ZNHIT3: variants seen among roughly 807,000 people sequenced by gnomAD.
ZNHIT3 encodes the protein zinc finger HIT-type containing 3, also known as zinc finger HIT domain-containing protein 3.
Under a neutral mutation model 19.9 loss-of-function variants are expected in ZNHIT3, and 27 were observed. That is an observed-to-expected ratio of 1.36 (90% CI 1.00 to 1.87). The LOEUF (loss-of-function observed/expected upper bound fraction) is 1.87. Ranked by LOEUF, ZNHIT3 falls within the 40% of genes most tolerant of loss-of-function variation. The probability of loss-of-function intolerance (pLI) is 0.00; values close to 1 mark genes in which losing one functional copy is unlikely to be tolerated. For missense variants in ZNHIT3, 215 were observed against 185.6 expected (o/e 1.16, Z -0.92); for synonymous variants, 81 against 65.7 (o/e 1.23, Z -1.13).
chr17:36,493,661 G>C (rs979356716), intron 3 of ZNHIT3, among the ~76,000 whole-genome samples: 3 of 152,220 alleles, frequency 2.0e-5, no homozygotes, highest in African/African-American at 7.2e-5. Context: ...AAAGACCACA[G>C]GACCACATAT....
downstream of ZNHIT3, chr17:36,498,216 T>C: frequency 1.3e-6 from 2 of 1,571,476 alleles, no homozygotes; most frequent in Non-Finnish European, 1.7e-6. Flanking sequence ...TAGGCTTTGC[T>C]CCTGCTGTTC....
At chr17:36,496,610 T>C (rs2071002108), downstream of ZNHIT3, among the ~76,000 whole-genome samples, 1 of 152,156 alleles carries the variant, frequency 6.6e-6, no homozygotes, top group African/African-American at 2.4e-5. Context: ...CTAAGAGGAA[T>C]GTCTGTCACA....
chr17:36,492,011 T>A (rs1405683756), intron 2 of ZNHIT3: 1 of 152,274 alleles, frequency 6.6e-6, no homozygotes, highest in African/African-American at 2.4e-5. Context: ...TATCTCACTG[T>A]GTACCTGGCA....
chr17:36,496,113 G>A (rs1222349116), downstream of ZNHIT3: 5 of 1,223,920 alleles, frequency 4.1e-6, no homozygotes, highest in African/African-American at 7.5e-5. Context: ...GGGGCTCTGG[G>A]TCGAAGGCTG....
At position 36,486,932 on chromosome 17, in the gene ZNHIT3, C is replaced by A. The variant is rs372878191; in HGVS notation, c.87-3C>A. The A allele has an allele frequency of 1.9e-6, 3 of 1,611,006 alleles. No homozygotes were observed. Among genetic ancestry groups the A allele is most frequent in the Non-Finnish European group, 2.5e-6 (3 of 1,179,370 alleles). Reference sequence around the variant, plus strand: ...ACGCGGCCTGTGGCCTCTGTTGTTACAGCTGCTCGGTAGTCTGCTTCCGGA... The same window carrying A: ...ACGCGGCCTGTGGCCTCTGTTGTTAAAGCTGCTCGGTAGTCTGCTTCCGGA... On this transcript the variant is annotated splice_polypyrimidine_tract_variant and splice_region_variant and intron_variant, in intron 1 of 4. Coordinates refer to ENST00000617429, the MANE Select transcript of ZNHIT3 (RefSeq NM_004773.4).
At chr17:36,496,252 C>T (rs1179708925), downstream of ZNHIT3, 4 of 1,613,396 alleles carry the variant, frequency 2.5e-6, no homozygotes, top group Non-Finnish European at 3.4e-6. Flanking sequence ...CACCAAGGAT[C>T]ACCCCAGCCC....
chr17:36,490,027 C>T (rs893845995), intron 2 of ZNHIT3: 2 of 151,614 alleles, frequency 1.3e-5, no homozygotes, highest in South Asian at 4.1e-4. Context: ...TATTTTCTCC[C>T]ATCCTGTGGG....
At chr17:36,494,943 C>T (rs2070852125) in intron 4 of ZNHIT3, among the ~76,000 whole-genome samples, 2 of 152,146 alleles carry the variant, frequency 1.3e-5, no homozygotes, top group South Asian at 4.1e-4. Context: ...ATACCAAGAA[C>T]TGGTATCTGT....
chr17:36,495,831 C>T (rs1053904649), downstream of ZNHIT3: 9 of 1,240,688 alleles, frequency 7.3e-6, no homozygotes, highest in East Asian at 1.9e-4. Context: ...AAGTTTTGTT[C>T]CTTTTTAAAG....
intron 2 of ZNHIT3, 67 bp from the exon 3 acceptor site, chr17:36,492,746 G>T: frequency 1.4e-6 from 2 of 1,416,180 alleles, no homozygotes; most frequent in Non-Finnish European, 2.0e-6. Flanking sequence ...ATGCTACCTT[G>T]GTAGGGAGGT....
At chr17:36,498,672 C>G (rs2071224583), downstream of ZNHIT3, 13 of 1,296,374 alleles carry the variant, frequency 1.0e-5, no homozygotes, top group East Asian at 3.0e-4. Flanking sequence ...CTGAAGGCAC[C>G]TGGTTGCAAA....
intron 2 of ZNHIT3, among the ~76,000 whole-genome samples, chr17:36,488,791 T>C (rs1486275248): frequency 6.6e-6 from 1 of 152,240 alleles, no homozygotes; most frequent in Non-Finnish European, 1.5e-5. Context: ...GTAATTAGCA[T>C]ATTCGCCCCA....
rs138327899 is a variant in ZNHIT3 at position 36,495,300 on chromosome 17, G to C, written c.364G>C (p.Asp122His). The C allele has an allele frequency of 5.6e-6, 9 of 1,613,748 alleles. No homozygotes were observed. The African/African-American group carries it at 1.1e-4, about 19-fold the overall frequency. The change falls in exon 5 of 5, where the codon GAC becomes CAC. Residue 122 changes from aspartate to histidine, a missense_variant. By Grantham distance (81) the Asp-to-His change is moderately conservative. Transcript: ENST00000617429. ...GATGGTCAACCTCGATCAGGGAGAAGACAAAGCAAAGCTCATGAGAGCTTA... is the reference window on the plus strand; with the variant it reads ...GATGGTCAACCTCGATCAGGGAGAACACAAAGCAAAGCTCATGAGAGCTTA... ...QLMVNLDQGE[D>H]KAKLMRAYMQ... is the part of the protein sequence containing the mutation.
chr17:36,488,117 G>A (rs1020223363), intron 2 of ZNHIT3, among the ~76,000 whole-genome samples: 29 of 145,130 alleles, frequency 2.0e-4, no homozygotes, highest in Admixed American at 2.0e-3. Context: ...AAAAAAGCTT[G>A]ATGTAGATTC....
downstream of ZNHIT3, among the ~76,000 whole-genome samples, chr17:36,497,344 A>G (rs906309045): frequency 6.6e-6 from 1 of 151,288 alleles, no homozygotes; most frequent in African/African-American, 2.4e-5. Flanking sequence ...ACCCACAGAG[A>G]ACTTGGACCA....
At chr17:36,496,968 G>T, downstream of ZNHIT3, among the ~76,000 whole-genome samples, 1 of 152,104 alleles carries the variant, frequency 6.6e-6, no homozygotes, top group Admixed American at 6.5e-5. Context: ...CTGGCTTACT[G>T]GGGTGACTCA....
At chr17:36,491,734 CTT>C (rs1297697596) in intron 2 of ZNHIT3, 2 of 152,072 alleles carry the variant, frequency 1.3e-5, no homozygotes, top group African/African-American at 4.8e-5. Flanking sequence ...GCTCCAGCCT[CTT>C]TTTGAGCACC....
downstream of ZNHIT3, chr17:36,498,170 T>C (rs1049840157): frequency 7.2e-7 from 1 of 1,398,068 alleles, no homozygotes; most frequent in African/African-American, 1.4e-5. Flanking sequence ...GGATGGATCT[T>C]GTCCCAGCCT....
At chr17:36,493,259 C>T in intron 3 of ZNHIT3, 1 of 302,746 alleles carries the variant, frequency 3.3e-6, no homozygotes, top group Non-Finnish European at 6.2e-6. Flanking sequence ...TCAGCCCAGG[C>T]AGGAGGCTTT....
Sources: allele counts gnomAD v4.1 joint callset (sites outside exome capture counted in the v4.1 genomes callset), GRCh38; gene constraint gnomAD v4.1.1; transcripts MANE v1.5; gene names NCBI Gene and HGNC (gene_info 2026-07-23, HGNC 2026-07-21).